Variants in MCM10 observed in about 807,000 individuals in gnomAD.
MCM10 encodes the protein protein MCM10 homolog.
MCM10 carries 91 observed loss-of-function variants against 109.9 expected under a neutral mutation model. The ratio of observed to expected loss-of-function variants is 0.83; its 90% CI spans 0.70 to 0.99. The LOEUF (loss-of-function observed/expected upper bound fraction) is 0.99, where lower values mean the gene tolerates loss of function less well. Among genes scored for constraint, MCM10 ranks in the 50% least tolerant of loss-of-function variants. The pLI is 0.00. For synonymous variants in MCM10, 380 were observed against 387.2 expected, an observed-to-expected ratio of 0.98 and a Z score of 0.22; for missense variants, 1,077 against 1,061.2, an observed-to-expected ratio of 1.01 and a Z score of -0.21.
intron 16 of MCM10, among the ~76,000 whole-genome samples, chr10:13,200,633 T>G (rs1267780854): frequency 6.6e-6 from 1 of 152,236 alleles, no homozygotes. Flanking sequence ...GGAGCAGCAC[T>G]AATCCCATCG....
At chr10:13,206,711 C>T (rs1411734140) in intron 18 of MCM10, among the ~76,000 whole-genome samples, 1 of 151,336 alleles carries the variant, frequency 6.6e-6, no homozygotes, top group African/African-American at 2.4e-5. Flanking sequence ...AAGTACAGGG[C>T]ACAAATGGAA....
chr10:13,168,625 G>A (rs1455241858), intron 2 of MCM10, among the ~76,000 whole-genome samples: 1 of 152,088 alleles, frequency 6.6e-6, no homozygotes, highest in Non-Finnish European at 1.5e-5. Context: ...AAAGAAAATA[G>A]ATAAATCAAG....
chr10:13,171,809 G>A (rs1834077769), intron 3 of MCM10, among the ~76,000 whole-genome samples: 1 of 151,488 alleles, frequency 6.6e-6, no homozygotes, highest in African/African-American at 2.4e-5. Context: ...GTGTCACCCA[G>A]GCTGGAGTAC....
At chr10:13,195,407 A>G in intron 14 of MCM10, 138 bp downstream of exon 14, 2 of 660,164 alleles carry the variant, frequency 3.0e-6, no homozygotes, top group Non-Finnish European at 5.0e-6. Flanking sequence ...TAGTGTCAAC[A>G]TAATACTAAA....
At chr10:13,199,388 C>T (rs1021019098) in intron 16 of MCM10, among the ~76,000 whole-genome samples, 1 of 152,038 alleles carries the variant, frequency 6.6e-6, no homozygotes, top group African/African-American at 2.4e-5. Flanking sequence ...TTGGTTATGG[C>T]TGTGAAATTA....
rs373398427 is a variant in MCM10, at chr10:13,172,777, G to A, written c.592+12G>A. The A allele has an allele frequency of 7.4e-6, 12 of 1,613,618 alleles. No individual in the cohort carries two copies. In the African/African-American group the frequency reaches 1.6e-4, roughly 22 times the overall value. On this transcript the variant is annotated intron_variant, in intron 5 of 19. Coordinates refer to ENST00000378714, the MANE Select transcript of MCM10 (RefSeq NM_018518.5). This position sits in a 1 kb window ranked among gnomAD's most constrained non-coding sequence, Gnocchi z 5.2. ...GGCTTCACCTCCAGGTGTAGTACTT[G>A]CGGTCTCAGTATCTTGGCACTATTG... is the stretch of plus-strand genomic sequence containing the variant.
In MCM10 at chr10:13,172,262, T is replaced by C. The variant is rs1834083858; in HGVS notation, c.350-114T>C. On this transcript the variant is annotated intron_variant, in intron 3 of 19. Transcript: ENST00000378714. The surrounding 1 kb of genome is among the most constrained non-coding windows in gnomAD (Gnocchi z 5.2). ...GAGCTTTGGGTATGTGATTATATTGTGGGTCTCAAGGTATTGGGGCAGGGA... is the reference window on the plus strand; with the variant it reads ...GAGCTTTGGGTATGTGATTATATTGCGGGTCTCAAGGTATTGGGGCAGGGA... The C allele has an allele frequency of 2.8e-6, 2 of 712,830 alleles. No individual in the cohort carries two copies. The highest frequency in any genetic ancestry group is 5.0e-6 in the Non-Finnish European group (2 of 398,392). 44.2% of individuals were successfully genotyped at this position (712,830 alleles called of 1,614,324 possible).
At chr10:13,196,984 G>A (rs989492856) in intron 14 of MCM10, among the ~76,000 whole-genome samples, 8 of 152,088 alleles carry the variant, frequency 5.3e-5, no homozygotes, top group Non-Finnish European at 1.2e-4. Flanking sequence ...GTGTACAGTG[G>A]TGCAATCACA....
intron 2 of MCM10, among the ~76,000 whole-genome samples, chr10:13,165,545 T>G (rs1450012659): frequency 2.0e-5 from 3 of 152,142 alleles, no homozygotes; most frequent in Non-Finnish European, 4.4e-5. Context: ...AATCATAGTA[T>G]CTATCTGGAA....
Position 13,209,107 on chromosome 10 carries a change from A to C in MCM10, c.2515A>C (p.Lys839Gln). Residue 839 changes from lysine to glutamine, a missense_variant, in exon 19 of 20, where the codon AAA becomes CAA. By Grantham distance (53) the Lys-to-Gln change is moderately conservative. Transcript: ENST00000378714. Reference protein sequence around the residue: ...NKHCSNCGLYKWERDGMLKEK... With the variant: ...NKHCSNCGLYQWERDGMLKEK... The stretch of plus-strand genomic sequence containing the variant: ...CTGTTTCAGTAACTGTGGCCTCTAC[A>C]AATGGGAACGGGACGGAATGCTAAA... 2 of 1,613,490 alleles carry C rather than the reference A, an allele frequency of 1.2e-6. No individual in the cohort carries two copies. Among genetic ancestry groups the C allele is most frequent in the Non-Finnish European group, 1.7e-6 (2 of 1,179,382 alleles).
intron 17 of MCM10, 110 bp from the exon 18 acceptor site, chr10:13,204,109 G>T: frequency 7.5e-7 from 1 of 1,337,734 alleles, no homozygotes; most frequent in Non-Finnish European, 1.0e-6. Flanking sequence ...AAGGGCCCAG[G>T]TAGTGATGAG....
At chr10:13,187,008 T>C (rs1834283826) in intron 9 of MCM10, among the ~76,000 whole-genome samples, 1 of 152,084 alleles carries the variant, frequency 6.6e-6, no homozygotes, top group Non-Finnish European at 1.5e-5. Context: ...AGAATATAAA[T>C]AAATAAAGTC....
chr10:13,172,381 T>C lies in MCM10; in HGVS notation c.355T>C (p.Leu119=). 6.2e-7 allele frequency: 1 copy of C among 1,610,038 alleles called. No homozygotes were observed. The highest frequency in any genetic ancestry group is 1.3e-5 in the African/African-American group (1 of 74,934). ...AACATATTTTCATTTCCTAGAGGAA[T>C]TAAGGAATTTGCAAGAGCAAATGAA... The part of the protein sequence containing the change: ...EKTNEELQEE[L]RNLQEQMKAL... Residue 119 remains leucine (L), a synonymous_variant, in exon 4 of 20, where the codon TTA becomes CTA. Coordinates refer to ENST00000378714, the MANE Select transcript of MCM10 (RefSeq NM_018518.5). The surrounding 1 kb of genome is among the most constrained non-coding windows in gnomAD (Gnocchi z 5.2).
Position 13,180,501 on chromosome 10 carries a change from G to A in MCM10, c.824G>A (p.Arg275Lys). Reference sequence around the variant, plus strand: ...AAAATGACCGGCCGAAAACTGATCAGACTGTCTCAGATCAAGGAAAAGATG... The same window carrying A: ...AAAATGACCGGCCGAAAACTGATCAAACTGTCTCAGATCAAGGAAAAGATG... ...NKKMTGRKLI[R>K]LSQIKEKMAR... The change falls in exon 7 of 20, where the codon AGA (arginine) becomes AAA (lysine). Residue 275 changes from arginine (R) to lysine (K), a missense_variant. By Grantham distance (26) the Arg-to-Lys change is conservative (BLOSUM62 2). Transcript: ENST00000378714. 6.2e-7 allele frequency: 1 copy of A among 1,614,080 alleles called. No homozygotes were observed. Among genetic ancestry groups the A allele is most frequent in the East Asian group, 2.2e-5 (1 of 44,868 alleles).
At chr10:13,204,799 C>G (rs1424066403) in intron 18 of MCM10, among the ~76,000 whole-genome samples, 2 of 152,074 alleles carry the variant, frequency 1.3e-5, no homozygotes, top group Non-Finnish European at 2.9e-5. Context: ...CTCTTCCCCA[C>G]AGGATACCAA....
chr10:13,166,481 CA>C (rs1833998261), intron 2 of MCM10, among the ~76,000 whole-genome samples: 1 of 150,712 alleles, frequency 6.6e-6, no homozygotes, highest in African/African-American at 2.5e-5. Context: ...ACTGAAAATA[CA>C]AAATTAGCTG....
chr10:13,198,396 A>C (rs1305151676), intron 15 of MCM10, among the ~76,000 whole-genome samples: 2 of 152,190 alleles, frequency 1.3e-5, no homozygotes, highest in African/African-American at 4.8e-5. Flanking sequence ...TATCATTTTA[A>C]CATAATTGTC....
At chr10:13,204,427 T>C in intron 18 of MCM10, 63 bp downstream of exon 18, 1 of 1,580,746 alleles carries the variant, frequency 6.3e-7, no homozygotes, top group Non-Finnish European at 8.6e-7. Flanking sequence ...TTCCAGAGTC[T>C]GTGATTCTGT....
chr10:13,175,897 A>G (rs934854582), intron 6 of MCM10, among the ~76,000 whole-genome samples: 40 of 152,354 alleles, frequency 2.6e-4, no homozygotes, highest in African/African-American at 9.1e-4. Context: ...TTGTGTATGT[A>G]ATCAACAAAG....
Sources: allele counts gnomAD v4.1 joint callset (sites outside exome capture counted in the v4.1 genomes callset), GRCh38; gene constraint gnomAD v4.1.1; non-coding constraint Gnocchi (gnomAD v3.1); transcripts MANE v1.5; gene names NCBI Gene and HGNC (gene_info 2026-07-23, HGNC 2026-07-21).